Variants in CSMD1 observed in about 807,000 individuals in gnomAD.
CSMD1 encodes CUB and Sushi multiple domains 1.
Under a neutral mutation model 417.5 loss-of-function variants are expected in CSMD1, and 213 were observed. The observed-to-expected ratio is 0.51, with a 90% CI of 0.46 to 0.57. CSMD1 has a LOEUF of 0.57. CSMD1 is among the 20% of genes least tolerant of loss of function. The pLI, the probability that CSMD1 is intolerant of heterozygous loss-of-function variation, is 0.00. For synonymous variants in CSMD1, 2,862 were observed against 1,736.8 expected, an observed-to-expected ratio of 1.65 and a Z score of -16.11; for missense variants, 6,923 against 4,529.7, an observed-to-expected ratio of 1.53 and a Z score of -15.17.
intron 3 of CSMD1, among the ~76,000 whole-genome samples, chr8:4,153,691 A>G (rs929115937): frequency 6.6e-6 from 1 of 152,196 alleles, no homozygotes; most frequent in Non-Finnish European, 1.5e-5. Flanking sequence ...TTCCGCTTCC[A>G]TCAATCCGGC....
At chr8:3,384,178 A>G (rs1810819633) in intron 18 of CSMD1, among the ~76,000 whole-genome samples, 1 of 152,194 alleles carries the variant, frequency 6.6e-6, no homozygotes, top group Admixed American at 6.6e-5. Context: ...TTATACTTGT[A>G]GAAATAAATA....
At chr8:3,245,599 C>A (rs1799827454) in intron 26 of CSMD1, among the ~76,000 whole-genome samples, 1 of 152,200 alleles carries the variant, frequency 6.6e-6, no homozygotes, top group South Asian at 2.1e-4. Flanking sequence ...CATGCCTACC[C>A]CTTCCAGGAA....
At chr8:3,543,118 C>T (rs1253156541) in intron 10 of CSMD1, among the ~76,000 whole-genome samples, 1 of 152,144 alleles carries the variant, frequency 6.6e-6, no homozygotes, top group African/African-American at 2.4e-5. Flanking sequence ...ATCTGTGCAT[C>T]CTGAAGGATG....
At chr8:4,327,609 A>T (rs1563059342) in intron 3 of CSMD1, among the ~76,000 whole-genome samples, 1 of 152,172 alleles carries the variant, frequency 6.6e-6, no homozygotes. Context: ...CAAGTCAGAA[A>T]GGGGAAAAAG....
intron 3 of CSMD1, among the ~76,000 whole-genome samples, chr8:4,149,996 G>C (rs76775671): frequency 1.3e-5 from 2 of 152,344 alleles, no homozygotes; most frequent in African/African-American, 2.4e-5. Context: ...AAGTCAGAGA[G>C]ACTGATGGAT....
At chr8:3,229,282 G>C (rs796478324) in intron 27 of CSMD1, among the ~76,000 whole-genome samples, 1 of 152,244 alleles carries the variant, frequency 6.6e-6, no homozygotes, top group South Asian at 2.1e-4. Context: ...TAATTAAACT[G>C]TGACAGTTAC....
At chr8:3,435,290 A>G (rs1056318801) in intron 12 of CSMD1, among the ~76,000 whole-genome samples, 3 of 152,284 alleles carry the variant, frequency 2.0e-5, no homozygotes, top group Admixed American at 6.5e-5. Flanking sequence ...TTCACTGCAC[A>G]TATTTCACTG....
Position 3,402,223 on chromosome 8 carries a change from G to A in CSMD1, c.2267-2694C>T, listed in dbSNP as rs181688276. Among the ~76,000 whole-genome samples the A allele has an allele frequency of 1.8e-3, 270 of 152,142 alleles. 1 individual carries two copies. The highest frequency in any genetic ancestry group is 6.2e-3 in the African/African-American group (256 of 41,526). ...AAGAGAACTCACTCACACCCCTGTAGGGTACTTGTGTCTTTTTCAATGTTC... is the reference window on the plus strand; with the variant it reads ...AAGAGAACTCACTCACACCCCTGTAAGGTACTTGTGTCTTTTTCAATGTTC... On this transcript the variant is annotated intron_variant, in intron 15 of 69. Transcript: ENST00000635120.
intron 8 of CSMD1, among the ~76,000 whole-genome samples, chr8:3,591,961 G>C (rs1343384879): frequency 6.6e-6 from 1 of 152,128 alleles, no homozygotes; most frequent in African/African-American, 2.4e-5. Context: ...ATGGATAGAT[G>C]AATGGATGGA....
At chr8:3,196,867 AAAGAT>A (rs1221911853) in intron 33 of CSMD1, among the ~76,000 whole-genome samples, 1 of 152,176 alleles carries the variant, frequency 6.6e-6, no homozygotes, top group Non-Finnish European at 1.5e-5. Flanking sequence ...GCACGAAACT[AAAGAT>A]AAGAGAAGCT....
At chr8:4,889,827 C>T (rs567501298) in intron 1 of CSMD1, among the ~76,000 whole-genome samples, 1 of 152,154 alleles carries the variant, frequency 6.6e-6, no homozygotes, top group Admixed American at 6.5e-5. Flanking sequence ...AAACCACAGC[C>T]ACTAGAATTG....
intron 12 of CSMD1, among the ~76,000 whole-genome samples, chr8:3,413,367 A>G (rs571685082): frequency 6.6e-6 from 1 of 152,278 alleles, no homozygotes; most frequent in South Asian, 2.1e-4. Context: ...CTGAGGATCA[A>G]GAGAGACCTG....
At chr8:4,857,849 G>C (rs1024500021) in intron 1 of CSMD1, among the ~76,000 whole-genome samples, 46 of 151,968 alleles carry the variant, frequency 3.0e-4, no homozygotes, top group African/African-American at 1.1e-3. Flanking sequence ...GGAGGAACTG[G>C]TACCATTCCT....
intron 5 of CSMD1, among the ~76,000 whole-genome samples, chr8:3,902,697 T>C (rs987252001): frequency 2.0e-5 from 3 of 152,128 alleles, no homozygotes; most frequent in Non-Finnish European, 4.4e-5. Context: ...CTTAACAGGC[T>C]GTGGACTGGT....
At chr8:3,798,464 T>A (rs1800280886) in intron 5 of CSMD1, among the ~76,000 whole-genome samples, 1 of 152,074 alleles carries the variant, frequency 6.6e-6, no homozygotes, top group African/African-American at 2.4e-5. Context: ...CAGGAACCAC[T>A]TGATTCATAT....
chr8:3,220,829 A>G (rs28393622), intron 28 of CSMD1, among the ~76,000 whole-genome samples: 39,979 of 151,954 alleles, frequency 0.26, 5,442 homozygotes, highest in East Asian at 0.3. Flanking sequence ...AGCAAAACTC[A>G]TCTCAAAAAC....
At chr8:4,329,237 C>T (rs867981169) in intron 3 of CSMD1, among the ~76,000 whole-genome samples, 8 of 152,116 alleles carry the variant, frequency 5.3e-5, no homozygotes, top group African/African-American at 1.9e-4. Context: ...TCAGTGTTGA[C>T]ATATGCACAG....
chr8:3,393,488 T>A (rs74808538), intron 17 of CSMD1, among the ~76,000 whole-genome samples: 1 of 152,120 alleles, frequency 6.6e-6, no homozygotes, highest in Non-Finnish European at 1.5e-5. Context: ...AAAAATGGCA[T>A]TTTTTTCATG....
chr8:4,956,712 T>C (rs1585404849), intron 1 of CSMD1, among the ~76,000 whole-genome samples: 2 of 152,068 alleles, frequency 1.3e-5, no homozygotes, highest in South Asian at 4.1e-4. Context: ...GAACTTAATG[T>C]TCCAACAAAG....
Sources: gnomAD v4.1 joint callset for allele counts (sites outside exome capture counted in the v4.1 genomes callset) on GRCh38, gnomAD v4.1.1 for gene constraint, MANE v1.5 for transcripts, NCBI Gene and HGNC (gene_info 2026-07-23, HGNC 2026-07-21) for gene names.